RAD54B: variants seen among roughly 807,000 people sequenced by gnomAD.
RAD54B encodes RAD54 homolog B.
A neutral mutation model predicts 95.8 loss-of-function variants in RAD54B; 78 were observed. That is an observed-to-expected ratio of 0.81 (90% CI 0.68 to 0.98). RAD54B has a LOEUF of 0.98. Ranked by LOEUF, RAD54B falls within the 50% of genes least tolerant of loss-of-function variation. RAD54B has a pLI of 0.00. For missense variants in RAD54B, 957 were observed against 1,056.6 expected, an observed-to-expected ratio of 0.91 and a Z score of 1.31; for synonymous variants, 328 against 354.9, an observed-to-expected ratio of 0.92 and a Z score of 0.85.
At chr8:94,433,440 C>T (rs1434879111) in intron 3 of RAD54B, among the ~76,000 whole-genome samples, 1 of 151,426 alleles carries the variant, frequency 6.6e-6, no homozygotes. Flanking sequence ...TGTTGAATGA[C>T]TGAAAAAAAA....
At chr8:94,380,916 T>C (rs1810723388) in intron 11 of RAD54B, among the ~76,000 whole-genome samples, 1 of 152,208 alleles carries the variant, frequency 6.6e-6, no homozygotes, top group African/African-American at 2.4e-5. Flanking sequence ...TCCCATGTGA[T>C]CAGTTGACTT....
chr8:94,416,544 AGAC>A (rs1811675519), intron 3 of RAD54B, among the ~76,000 whole-genome samples: 1 of 152,062 alleles, frequency 6.6e-6, no homozygotes, highest in Non-Finnish European at 1.5e-5. Flanking sequence ...AAAAAAAATA[AGAC>A]AACAAACAAA....
At position 94,372,356 on chromosome 8, in the gene RAD54B, T is replaced by C. The variant is rs754738887; in HGVS notation, c.2547A>G (p.Arg849=). Residue 849 remains arginine, a synonymous_variant, in exon 15 of 15, where the codon AGA becomes AGG. Transcript: ENST00000336148. ...GDSLEKFIVS[R]DCQLGPHHQK... ...GGTGATGTGGACCAAGCTGACAATC[T>C]CTAGAGACAATGAATTTTTCCAACG... 17 of 1,613,150 alleles carry C rather than the reference T, an allele frequency of 1.1e-5. No individual in the cohort carries two copies. The South Asian group carries it at 1.9e-4, about 18-fold the overall frequency.
chr8:94,430,543 T>A (rs1413476431), intron 3 of RAD54B: 3 of 765,162 alleles, frequency 3.9e-6, no homozygotes, highest in Non-Finnish European at 4.8e-6. Flanking sequence ...CCCCAGGGTT[T>A]CTAATTCACT....
chr8:94,441,225 C>T (rs1296791169), intron 3 of RAD54B, among the ~76,000 whole-genome samples: 2 of 152,294 alleles, frequency 1.3e-5, no homozygotes, highest in East Asian at 3.9e-4. Flanking sequence ...GATTTTAAGA[C>T]AGTAGCTTGC....
intron 2 of RAD54B, among the ~76,000 whole-genome samples, chr8:94,466,398 C>T (rs1014023591): frequency 6.6e-6 from 1 of 151,924 alleles, no homozygotes; most frequent in African/African-American, 2.4e-5. Flanking sequence ...AAGACTGCTT[C>T]CAGTATTCAC....
At chr8:94,402,249 TTC>T (rs1811282881) in intron 6 of RAD54B, among the ~76,000 whole-genome samples, 1 of 142,480 alleles carries the variant, frequency 7.0e-6, no homozygotes, top group Non-Finnish European at 1.6e-5. Flanking sequence ...TGTGCTATTT[TTC>T]TTTTTTTTTT....
At chr8:94,453,086 A>C (rs1446871372) in intron 3 of RAD54B, among the ~76,000 whole-genome samples, 1 of 152,184 alleles carries the variant, frequency 6.6e-6, no homozygotes, top group Non-Finnish European at 1.5e-5. Flanking sequence ...GGTATTTATG[A>C]ACATAGTCTC....
At chr8:94,427,908 T>C (rs1811984436) in intron 3 of RAD54B, 1 of 928,828 alleles carries the variant, frequency 1.1e-6, no homozygotes, top group African/African-American at 1.8e-5. Flanking sequence ...TAAGTAAAGA[T>C]AGAACAGGGT....
At chr8:94,471,039 G>A (rs1048081517) in intron 1 of RAD54B, among the ~76,000 whole-genome samples, 1 of 152,076 alleles carries the variant, frequency 6.6e-6, no homozygotes, top group Admixed American at 6.6e-5. Context: ...TCATCTAGGA[G>A]TCTTAACCAT....
At chr8:94,430,933 A>G (rs1414862118) in intron 3 of RAD54B, 2 of 985,196 alleles carry the variant, frequency 2.0e-6, no homozygotes, top group Non-Finnish European at 2.4e-6. Context: ...ATTTGTGCTT[A>G]TATACTCAAT....
intron 4 of RAD54B, among the ~76,000 whole-genome samples, chr8:94,410,741 T>A (rs2130037926): frequency 6.6e-6 from 1 of 152,274 alleles, no homozygotes; most frequent in East Asian, 1.9e-4. Context: ...TTACATATCA[T>A]TCAACTTGAT....
At chr8:94,398,275 A>T (rs1465989397) in intron 8 of RAD54B, among the ~76,000 whole-genome samples, 1 of 152,118 alleles carries the variant, frequency 6.6e-6, no homozygotes, top group Non-Finnish European at 1.5e-5. Flanking sequence ...TAAAGCACAG[A>T]TCATTTTAAA....
chr8:94,411,452 CAT>C, intron 3 of RAD54B, 137 bp from the exon 4 acceptor site: 1 of 645,548 alleles, frequency 1.5e-6, no homozygotes, highest in Non-Finnish European at 2.5e-6. Context: ...TGATCATACT[CAT>C]GTTAGCATTT....
chr8:94,422,666 G>T (rs1438137363), intron 3 of RAD54B, among the ~76,000 whole-genome samples: 3 of 102,590 alleles, frequency 2.9e-5, no homozygotes, highest in Non-Finnish European at 3.7e-5. Context: ...AATTATCAGT[G>T]TTACAGCTCT....
intron 14 of RAD54B, among the ~76,000 whole-genome samples, chr8:94,377,900 C>T (rs1264062423): frequency 5.0e-5 from 7 of 140,006 alleles, no homozygotes; most frequent in South Asian, 2.3e-4. Context: ...GGCGTGAACC[C>T]GGGAGGCGGA....
intron 3 of RAD54B, chr8:94,430,987 T>G (rs745371778): frequency 3.3e-5 from 33 of 985,366 alleles, no homozygotes; most frequent in Non-Finnish European, 4.0e-5. Context: ...CGTCTCACTC[T>G]TGACTTCAAA....
chr8:94,450,263 C>T (rs1326653443), intron 3 of RAD54B, among the ~76,000 whole-genome samples: 4 of 152,174 alleles, frequency 2.6e-5, no homozygotes, highest in Non-Finnish European at 1.5e-5. Flanking sequence ...CAACTGGTCA[C>T]AAATTTTTAA....
At chr8:94,436,443 CAATA>C in intron 3 of RAD54B, 1 of 1,476,914 alleles carries the variant, frequency 6.8e-7, no homozygotes, top group Non-Finnish European at 8.9e-7. Flanking sequence ...AGCCAAAGCC[CAATA>C]GATAGGAGGC....
Sources: allele counts gnomAD v4.1 joint callset (sites outside exome capture counted in the v4.1 genomes callset), GRCh38; gene constraint gnomAD v4.1.1; transcripts MANE v1.5; gene names NCBI Gene and HGNC (gene_info 2026-07-23, HGNC 2026-07-21).